OPN4: variants seen among roughly 807,000 people sequenced by gnomAD.
OPN4 encodes opsin 4, also known as melanopsin.
OPN4 carries 43 observed loss-of-function variants against 49.5 expected under a neutral mutation model. The ratio of observed to expected loss-of-function variants is 0.87; its 90% CI spans 0.68 to 1.12. OPN4 has a LOEUF of 1.12. Ranked by LOEUF, OPN4 falls within the 50% of genes most tolerant of loss-of-function variation. The probability of loss-of-function intolerance (pLI) is 0.00; values close to 1 mark genes in which losing one functional copy is unlikely to be tolerated. For synonymous variants in OPN4, 263 were observed against 258.0 expected, an observed-to-expected ratio of 1.02 and a Z score of -0.19; for missense variants, 657 against 643.9, an observed-to-expected ratio of 1.02 and a Z score of -0.22.
chr10:86,658,127 C>T lies in OPN4; in HGVS notation c.386C>T (p.Thr129Ile). ...MSFTQAPVFF[T>I]SSLYKQWLFG... The stretch of plus-strand genomic sequence containing the variant: ...TTCACCCAGGCCCCTGTCTTCTTCA[C>T]CAGTAGCCTCTATAAGCAGTGGCTC... Residue 129 changes from threonine to isoleucine, a missense_variant, in exon 3 of 10, where the codon ACC becomes ATC. Thr to Ile is a moderately conservative substitution (Grantham distance 89). Coordinates refer to ENST00000241891, the MANE Select transcript of OPN4 (RefSeq NM_033282.4). 1 of 1,614,158 alleles carries T rather than the reference C, an allele frequency of 6.2e-7. No homozygotes were observed. Among genetic ancestry groups the T allele is most frequent in the Non-Finnish European group, 8.5e-7 (1 of 1,180,034 alleles).
At chr10:86,664,985 G>A (rs541269479) in intron 9 of OPN4, among the ~76,000 whole-genome samples, 101 of 152,316 alleles carry the variant, frequency 6.6e-4, no homozygotes, top group African/African-American at 2.3e-3. Flanking sequence ...GCAAGTCCCT[G>A]AGGTTCCCCA....
Position 86,662,425 on chromosome 10 carries a change from G to A in OPN4, c.1247G>A (p.Ser416Asn), listed in dbSNP as rs1844035746. The A allele has an allele frequency of 6.5e-7, 1 of 1,548,632 alleles. No individual in the cohort carries two copies. The highest frequency in any genetic ancestry group is 1.4e-5 in the African/African-American group (1 of 73,274). Residue 416 changes from serine to asparagine, a missense_variant, in exon 8 of 10, where the codon AGT (serine) becomes AAT (asparagine). Transcript: ENST00000241891. ...RRRQESLGSE[S>N]EVGWTHMEAA... ...CGCCAGGAGTCCCTGGGCTCGGAGA[G>A]TGAGGTGGTAAGGATGCTGGGCCCT...
In OPN4 at chr10:86,654,817, A is replaced by G; in HGVS notation, c.34A>G (p.Ser12Gly). 1 of 1,163,558 alleles carries G rather than the reference A, an allele frequency of 8.6e-7. No individual in the cohort carries two copies. Among genetic ancestry groups the G allele is most frequent in the Non-Finnish European group, 1.2e-6 (1 of 807,860 alleles). 72.1% of individuals were successfully genotyped at this position (1,163,558 alleles called of 1,614,324 possible). ...NPPSGPRVPP[S>G]PTQEPSCMAT... is the part of the protein sequence containing the mutation. ...TCCTTCGGGGCCAAGAGTCCCGCCC[A>G]GCCCAACCCAAGAGCCCAGCTGCAT... Residue 12 changes from serine (S) to glycine (G), a missense_variant, in exon 1 of 10, where the codon AGC (serine) becomes GGC (glycine). Physicochemically the swap from Ser to Gly is moderately conservative, Grantham distance 56 (BLOSUM62 0). Transcript: ENST00000241891.
Position 86,663,660 on chromosome 10 carries a change from G to T in OPN4, c.1256G>T (p.Gly419Val), listed in dbSNP as rs777045953. The change falls in exon 9 of 10, where the codon GGC (glycine) becomes GTC (valine). Residue 419 changes from glycine (G) to valine (V), a missense_variant and splice_region_variant. By Grantham distance (109) the Gly-to-Val change is moderately radical. Transcript: ENST00000241891. ...CAGTCACTCTCTCACCTCCCTCAGG[G>T]CTGGACACACATGGAGGCAGCAGCT... The part of the protein sequence containing the change: ...QESLGSESEV[G>V]WTHMEAAAVW... 1.4e-5 allele frequency: 22 copies of T among 1,524,642 alleles called. No homozygotes were observed. Among genetic ancestry groups the T allele is most frequent in the Non-Finnish European group, 1.7e-5 (19 of 1,132,824 alleles). The allele number at this position is 1,524,642 out of a possible 1,614,324, so 94.4% of individuals were successfully genotyped here. A position where few individuals can be genotyped will look rare whatever the true frequency, so the allele number is the denominator to read the frequency against.
At position 86,665,887 on chromosome 10, in the gene OPN4, A is replaced by ACAGCCC. The variant is rs1263167772; in HGVS notation, c.*145_*150dup. 9.9e-6 allele frequency: 7 copies of ACAGCCC among 708,880 alleles called. No homozygotes were observed. Among genetic ancestry groups the ACAGCCC allele is most frequent in the Non-Finnish European group, 1.7e-5 (7 of 410,566 alleles). The allele number at this position is 708,880 out of a possible 1,614,324, so 43.9% of individuals were successfully genotyped here. On this transcript the variant is annotated 3_prime_UTR_variant, in exon 10 of 10. Transcript: ENST00000241891. ...CTGTCACCCGTGCTGCACGGGATTC[A>ACAGCCC]CAGCCCCAGCCCCATGGCCCCTCTC...
intron 4 of OPN4, among the ~76,000 whole-genome samples, chr10:86,659,070 A>G (rs532230269): frequency 1.3e-5 from 2 of 152,326 alleles, no homozygotes; most frequent in East Asian, 3.9e-4. Context: ...CCTGGCAAGC[A>G]AAACCTTGAA....
At chr10:86,662,982 G>C (rs1459664297) in intron 8 of OPN4, among the ~76,000 whole-genome samples, 1 of 152,236 alleles carries the variant, frequency 6.6e-6, no homozygotes, top group Non-Finnish European at 1.5e-5. Flanking sequence ...GTCCTCCTCT[G>C]AAAGGGAAAA....
At chr10:86,657,897 T>C in intron 2 of OPN4, 135 bp from the exon 3 acceptor site, 1 of 940,738 alleles carries the variant, frequency 1.1e-6, no homozygotes, top group South Asian at 1.6e-5. Context: ...CTCGTGCCTG[T>C]TTGCTTGCCC....
At chr10:86,662,141 C>T in intron 7 of OPN4, 111 bp from the exon 8 acceptor site, 2 of 890,922 alleles carry the variant, frequency 2.2e-6, no homozygotes, top group Admixed American at 4.8e-5. Context: ...CCCATTTCCC[C>T]AGAGGCTCTC....
intron 4 of OPN4, among the ~76,000 whole-genome samples, 173 bp downstream of exon 4, chr10:86,658,860 C>T (rs183103174): frequency 6.8e-4 from 103 of 152,300 alleles, no homozygotes; most frequent in African/African-American, 2.4e-3. Context: ...GGGAAACTGA[C>T]ACTGCCCCAT....
chr10:86,660,174 G>A lies in OPN4; in HGVS notation c.965+115G>A, dbSNP rs1026292584. On this transcript the variant is annotated intron_variant, in intron 6 of 9. Coordinates refer to ENST00000241891, the MANE Select transcript of OPN4 (RefSeq NM_033282.4). ...CCGGCCAGCCATCCTCGCACCCTAG[G>A]ACCAGCTTCACAGCTTATTCTCTCC... 9 of 1,175,706 alleles carry A rather than the reference G, an allele frequency of 7.7e-6. No homozygotes were observed. The South Asian group carries it at 9.9e-5, about 13-fold the overall frequency. 72.8% of individuals were successfully genotyped at this position (1,175,706 alleles called of 1,614,324 possible).
intron 9 of OPN4, among the ~76,000 whole-genome samples, chr10:86,664,912 C>T (rs1844108984): frequency 6.6e-6 from 1 of 152,196 alleles, no homozygotes; most frequent in Non-Finnish European, 1.5e-5. Flanking sequence ...CATCAACAAT[C>T]ACCAAACACA....
At chr10:86,655,808 C>T (rs1393441553) in intron 1 of OPN4, among the ~76,000 whole-genome samples, 1 of 152,078 alleles carries the variant, frequency 6.6e-6, no homozygotes, top group African/African-American at 2.4e-5. Context: ...CAGGGATGCA[C>T]CCAGGAGTTG....
chr10:86,655,187 G>C (rs928406469), intron 1 of OPN4, among the ~76,000 whole-genome samples: 1 of 152,216 alleles, frequency 6.6e-6, no homozygotes, highest in Non-Finnish European at 1.5e-5. Context: ...GGAATGGCCA[G>C]ACCTGTCCTT....
intron 1 of OPN4, 150 bp downstream of exon 1, chr10:86,655,077 C>T (rs760648130): frequency 7.8e-5 from 59 of 755,142 alleles, no homozygotes; most frequent in Middle Eastern, 3.9e-4. Flanking sequence ...TCTCTGAGCC[C>T]GCCCCTGATA....
rs879249429 is a variant in OPN4 at position 86,657,078 on chromosome 10, T to G, written c.290+778T>G. 437 of 660,274 alleles carry G rather than the reference T, an allele frequency of 6.6e-4. 1 individual carries two copies. Among genetic ancestry groups the G allele is most frequent in the East Asian group, 2.2e-3 (83 of 36,948 alleles). The allele number at this position is 660,274 out of a possible 1,614,324, so 40.9% of individuals were successfully genotyped here. ...TGGCTCAGTGGCTGAGACAGGCAGG[T>G]GGAGAAGGGAACCCAGGCTGCAGGG... On this transcript the variant is annotated intron_variant, in intron 2 of 9. Coordinates refer to ENST00000241891, the MANE Select transcript of OPN4 (RefSeq NM_033282.4).
At chr10:86,665,609 C>A (rs1313279206) in intron 9 of OPN4, 104 bp from the exon 10 acceptor site, 4 of 939,478 alleles carry the variant, frequency 4.3e-6, no homozygotes, top group African/African-American at 3.2e-5. Context: ...CCCTTCCATG[C>A]AACCTCCCCC....
At position 86,663,043 on chromosome 10, in the gene OPN4, C is replaced by A. The variant is rs894919574; in HGVS notation, c.1254+611C>A. On this transcript the variant is annotated intron_variant, in intron 8 of 9. Transcript: ENST00000241891. ...AGGTGTGCCCAGGGATGGGTGTCAA[C>A]CTTCCTCGGGGCCAGGTGTGCCCAG... 5.0e-4 allele frequency among the ~76,000 whole-genome samples: 76 copies of A among 152,184 alleles called. 1 individual carries two copies. The highest frequency in any genetic ancestry group is 2.6e-4 in the Admixed American group (4 of 15,288).
At chr10:86,665,606 A>T (rs1341777278) in intron 9 of OPN4, 107 bp from the exon 10 acceptor site, 2 of 916,632 alleles carry the variant, frequency 2.2e-6, no homozygotes, top group African/African-American at 3.3e-5. Flanking sequence ...TGGCCCTTCC[A>T]TGCAACCTCC....
Sources: allele counts gnomAD v4.1 joint callset (sites outside exome capture counted in the v4.1 genomes callset), GRCh38; gene constraint gnomAD v4.1.1; transcripts MANE v1.5; gene names NCBI Gene and HGNC (gene_info 2026-07-23, HGNC 2026-07-21).